The following RIMKLA variants were observed in gnomAD, a reference collection of about 807,000 sequenced individuals.
RIMKLA encodes the protein N-acetylaspartylglutamate synthase A.
In RIMKLA, 14 loss-of-function variants were observed where a neutral mutation model predicts 32.7. That is an observed-to-expected ratio of 0.43 (90% CI 0.28 to 0.67). The LOEUF is 0.67. Ranked by LOEUF, RIMKLA falls within the 30% of genes least tolerant of loss-of-function variation. The probability of loss-of-function intolerance (pLI) is 0.18; values close to 1 mark genes in which losing one functional copy is unlikely to be tolerated. For synonymous variants in RIMKLA, 176 were observed against 204.1 expected (o/e 0.86, Z 1.18); for missense variants, 410 against 519.0 (o/e 0.79, Z 2.04).
chr1:42,380,971 A>G lies in RIMKLA; in HGVS notation c.37A>G (p.Ile13Val). ...GCTCTGGTTCCTGACGGACCGGCGCATCCGCGAGGACTACCCGCAGGTGCA... is the reference window on the plus strand; with the variant it reads ...GCTCTGGTTCCTGACGGACCGGCGCGTCCGCGAGGACTACCCGCAGGTGCA... ...SQLWFLTDRR[I>V]REDYPQVQIL... The change falls in exon 1 of 5, where the codon ATC becomes GTC. Residue 13 changes from isoleucine to valine, a missense_variant. Ile to Val is a conservative substitution (Grantham distance 29, BLOSUM62 3). Coordinates refer to ENST00000431473, the MANE Select transcript of RIMKLA (RefSeq NM_173642.4). 1.4e-6 allele frequency: 2 copies of G among 1,452,076 alleles called. No homozygotes were observed. The highest frequency in any genetic ancestry group is 1.8e-6 in the Non-Finnish European group (2 of 1,102,806). 89.9% of individuals were successfully genotyped at this position (1,452,076 alleles called of 1,614,324 possible). A position where few individuals can be genotyped will look rare whatever the true frequency, so the allele number is the denominator to read the frequency against.
chr1:42,381,164 C>A (rs1343744448), intron 1 of RIMKLA, 67 bp downstream of exon 1: 3 of 1,185,334 alleles, frequency 2.5e-6, no homozygotes, highest in Non-Finnish European at 3.2e-6. Flanking sequence ...GTCGGGTGGG[C>A]GCGCTCGCCG....
intron 4 of RIMKLA, among the ~76,000 whole-genome samples, chr1:42,413,980 G>A (rs12730462): frequency 2.0e-4 from 30 of 150,594 alleles, no homozygotes; most frequent in African/African-American, 7.3e-4. Context: ...TGGTCCAAAC[G>A]CTTGGCCTCA....
At position 42,422,183 on chromosome 1, in the gene RIMKLA, G is replaced by T. The variant is rs1019078507; in HGVS notation, c.*7209G>T. ...GGTAGCATTTGTGTTGTATTTCTCAGAAGCAAGTGTCCTAGTGTAATGTGC... is the reference window on the plus strand; with the variant it reads ...GGTAGCATTTGTGTTGTATTTCTCATAAGCAAGTGTCCTAGTGTAATGTGC... On this transcript the variant is annotated 3_prime_UTR_variant, in exon 5 of 5. Coordinates refer to ENST00000431473, the MANE Select transcript of RIMKLA (RefSeq NM_173642.4). 5 of 152,244 alleles carry T rather than the reference G, an allele frequency of 3.3e-5. No homozygotes were observed. Among genetic ancestry groups the T allele is most frequent in the Admixed American group, 2.0e-4 (3 of 15,280 alleles). The allele number at this position is 152,244 out of a possible 1,614,324, so 9.4% of individuals were successfully genotyped here.
At chr1:42,401,449 T>TA (rs1313702195) in intron 2 of RIMKLA, among the ~76,000 whole-genome samples, 87 of 11,000 alleles carry the variant, frequency 7.9e-3, no homozygotes, top group African/African-American at 0.025. Context: ...ACTCCATGTC[T>TA]AAAAAAAAAA....
chr1:42,416,571 C>G lies in RIMKLA; in HGVS notation c.*1597C>G, dbSNP rs1643250532. 6.6e-6 allele frequency: 1 copy of G among 152,086 alleles called. No individual in the cohort carries two copies. Among genetic ancestry groups the G allele is most frequent in the Non-Finnish European group, 1.5e-5 (1 of 68,028 alleles). The allele number at this position is 152,086 out of a possible 1,614,324, so 9.4% of individuals were successfully genotyped here. ...GATTTACCAACACTGAAGACCCTTACAAGTTGACAGTTTCTAAAGAGGGTT... is the reference window on the plus strand; with the variant it reads ...GATTTACCAACACTGAAGACCCTTAGAAGTTGACAGTTTCTAAAGAGGGTT... On this transcript the variant is annotated 3_prime_UTR_variant, in exon 5 of 5. Coordinates refer to ENST00000431473, the MANE Select transcript of RIMKLA (RefSeq NM_173642.4).
At chr1:42,387,972 G>A (rs377003853) in intron 1 of RIMKLA, among the ~76,000 whole-genome samples, 9 of 152,244 alleles carry the variant, frequency 5.9e-5, no homozygotes, top group South Asian at 4.2e-4. Context: ...ATGATAATCC[G>A]TGTAAAGATC....
intron 4 of RIMKLA, chr1:42,412,585 A>G (rs900437514): frequency 5.9e-6 from 3 of 507,668 alleles, no homozygotes; most frequent in African/African-American, 3.9e-5. Flanking sequence ...TTCACTCCCC[A>G]CTTGTTTAAC....
intron 3 of RIMKLA, among the ~76,000 whole-genome samples, chr1:42,407,212 T>C (rs1022259667): frequency 6.6e-6 from 1 of 152,220 alleles, no homozygotes; most frequent in Non-Finnish European, 1.5e-5. Flanking sequence ...AGCCGTATAA[T>C]GTAGATTCTA....
chr1:42,415,082 C>A lies in RIMKLA; in HGVS notation c.*108C>A. 8.3e-7 allele frequency: 1 copy of A among 1,210,898 alleles called. No individual in the cohort carries two copies. The highest frequency in any genetic ancestry group is 1.1e-6 in the Non-Finnish European group (1 of 872,854). 75.0% of individuals were successfully genotyped at this position (1,210,898 alleles called of 1,614,324 possible). A position where few individuals can be genotyped will look rare whatever the true frequency, so the allele number is the denominator to read the frequency against. On this transcript the variant is annotated 3_prime_UTR_variant, in exon 5 of 5. Transcript: ENST00000431473. ...TTTCATTTGCACAGAAACTAGAAAT[C>A]CCATCTGGGCACTCAGCATTTTTTC...
chr1:42,382,898 G>T (rs1642901326), intron 1 of RIMKLA, among the ~76,000 whole-genome samples: 1 of 151,676 alleles, frequency 6.6e-6, no homozygotes, highest in African/African-American at 2.4e-5. Flanking sequence ...GGGTCTTGTT[G>T]CCCAGTCTGG....
intron 1 of RIMKLA, among the ~76,000 whole-genome samples, chr1:42,394,194 A>G (rs1386001167): frequency 6.6e-6 from 1 of 152,244 alleles, no homozygotes; most frequent in African/African-American, 2.4e-5. Flanking sequence ...AGCTACCATA[A>G]GTGAGGTCCT....
chr1:42,412,157 G>A (rs1643203974), intron 4 of RIMKLA, among the ~76,000 whole-genome samples: 2 of 152,148 alleles, frequency 1.3e-5, no homozygotes, highest in South Asian at 4.1e-4. Context: ...AGTGTCATAG[G>A]TGGGAAGGGA....
chr1:42,410,049 G>A lies in RIMKLA; in HGVS notation c.547G>A (p.Asp183Asn). ...LSDICHLIRH[D>N]VPYLFQKYVK... is the part of the protein sequence containing the mutation. ...TGACATCTGCCATCTGATCCGCCAC[G>A]ATGTGCCCTACCTGTTCCAGAAGTA... Residue 183 changes from aspartate (D) to asparagine (N), a missense_variant, in exon 4 of 5, where the codon GAT becomes AAT. Physicochemically the swap from Asp to Asn is conservative, Grantham distance 23. Coordinates refer to ENST00000431473, the MANE Select transcript of RIMKLA (RefSeq NM_173642.4). 11 of 1,614,136 alleles carry A rather than the reference G, an allele frequency of 6.8e-6. No homozygotes were observed. Among genetic ancestry groups the A allele is most frequent in the South Asian group, 1.1e-5 (1 of 91,074 alleles).
chr1:42,412,644 A>G, intron 4 of RIMKLA: 1 of 504,296 alleles, frequency 2.0e-6, no homozygotes, highest in South Asian at 1.4e-5. Flanking sequence ...ATCATCAGTG[A>G]TTTCAGATTT....
At position 42,422,119 on chromosome 1, in the gene RIMKLA, C is replaced by T. The variant is rs758397718; in HGVS notation, c.*7145C>T. ...GCTGCTGGGAGACAGAGAGAAGAAA[C>T]TGATACACGTGAGCACTGAAACATC... On this transcript the variant is annotated 3_prime_UTR_variant, in exon 5 of 5. Transcript: ENST00000431473. 5.3e-5 allele frequency: 8 copies of T among 152,200 alleles called. No individual in the cohort carries two copies. The highest frequency in any genetic ancestry group is 1.0e-4 in the Non-Finnish European group (7 of 68,046). 9.4% of individuals were successfully genotyped at this position (152,200 alleles called of 1,614,324 possible).
At chr1:42,399,291 A>G (rs1643074566) in intron 1 of RIMKLA, 113 bp from the exon 2 acceptor site, 3 of 782,260 alleles carry the variant, frequency 3.8e-6, no homozygotes, top group Non-Finnish European at 6.1e-6. Flanking sequence ...CAGGGGGCCA[A>G]TTTTGAGGCT....
intron 1 of RIMKLA, among the ~76,000 whole-genome samples, chr1:42,382,712 C>G (rs1002782191): frequency 6.6e-6 from 1 of 152,228 alleles, no homozygotes; most frequent in African/African-American, 2.4e-5. Flanking sequence ...GTATCTAAAA[C>G]CTCATTTTAA....
In RIMKLA at chr1:42,380,922, C is replaced by A. The variant is rs573269039; in HGVS notation, c.-13C>A. 22 of 1,352,568 alleles carry A rather than the reference C, an allele frequency of 1.6e-5. No individual in the cohort carries two copies. The African/African-American group carries it at 3.3e-4, about 20-fold the overall frequency. 83.8% of individuals were successfully genotyped at this position (1,352,568 alleles called of 1,614,324 possible). ...GGGGTCCGCGCCGCGCGGGGCGCAC[C>A]GCCCTGGCCGCCATGTGCTCCCAGC... On this transcript the variant is annotated 5_prime_UTR_variant, in exon 1 of 5. Transcript: ENST00000431473.
At chr1:42,412,637 A>G in intron 4 of RIMKLA, 1 of 507,054 alleles carries the variant, frequency 2.0e-6, no homozygotes, top group Non-Finnish European at 3.9e-6. Flanking sequence ...CTCTGTGATC[A>G]TCAGTGATTT....
Sources: allele counts gnomAD v4.1 joint callset (sites outside exome capture counted in the v4.1 genomes callset), GRCh38; gene constraint gnomAD v4.1.1; transcripts MANE v1.5; gene names NCBI Gene and HGNC (gene_info 2026-07-23, HGNC 2026-07-21).